PRELID2: variants seen among roughly 807,000 people sequenced by gnomAD.
PRELID2 encodes PRELI domain containing 2, also known as PRELI domain-containing protein 2.
In PRELID2, 25 loss-of-function variants were observed where a neutral mutation model predicts 28.4. That is an observed-to-expected ratio of 0.88 (90% CI 0.64 to 1.23). The LOEUF (loss-of-function observed/expected upper bound fraction) is 1.23, where lower values mean the gene tolerates loss of function less well. PRELID2 is among the 50% of genes most tolerant of loss of function. The pLI is 0.00. For synonymous variants in PRELID2, 76 were observed against 71.6 expected (o/e 1.06, Z -0.31); for missense variants, 201 against 214.4 (o/e 0.94, Z 0.39).
At chr5:145,505,836 A>G (rs1752405896) in intron 1 of PRELID2, among the ~76,000 whole-genome samples, 1 of 152,214 alleles carries the variant, frequency 6.6e-6, no homozygotes, top group Non-Finnish European at 1.5e-5. Flanking sequence ...AAAATCCTGC[A>G]ATATGTGACA....
At chr5:145,546,929 T>G (rs1752792844) in intron 1 of PRELID2, among the ~76,000 whole-genome samples, 1 of 152,212 alleles carries the variant, frequency 6.6e-6, no homozygotes, top group Admixed American at 6.5e-5. Flanking sequence ...CAAGTTCATC[T>G]TTTGGTAGTT....
At chr5:145,346,995 C>T in the PRELID2 span, among the ~76,000 whole-genome samples, 13 of 152,154 alleles carry the variant, frequency 8.5e-5, no homozygotes, top group Non-Finnish European at 1.6e-4. Context: ...TCAGTGTTCC[C>T]CCTTCATCTG....
intron 5 of PRELID2, among the ~76,000 whole-genome samples, chr5:145,791,313 T>C (rs1042033967): frequency 6.6e-6 from 1 of 152,142 alleles, no homozygotes; most frequent in African/African-American, 2.4e-5. Context: ...ACGTAAGATT[T>C]GGGTGGGAAC....
the PRELID2 span, among the ~76,000 whole-genome samples, chr5:145,269,865 T>C: frequency 1.9e-4 from 27 of 145,830 alleles, no homozygotes; most frequent in East Asian, 5.3e-3. Flanking sequence ...TTTATATATA[T>C]ACATATATAT....
chr5:145,412,574 C>T, the PRELID2 span, among the ~76,000 whole-genome samples: 2 of 152,186 alleles, frequency 1.3e-5, no homozygotes, highest in African/African-American at 4.8e-5. Context: ...CTTCAAGTCT[C>T]TAGGAAGTTT....
chr5:145,259,210 C>T, the PRELID2 span, among the ~76,000 whole-genome samples: 2 of 152,178 alleles, frequency 1.3e-5, no homozygotes, highest in African/African-American at 2.4e-5. Flanking sequence ...TCATGGAGAA[C>T]CTCTACTAGA....
At chr5:145,311,573 G>C in the PRELID2 span, among the ~76,000 whole-genome samples, 1 of 152,234 alleles carries the variant, frequency 6.6e-6, no homozygotes, top group East Asian at 1.9e-4. Flanking sequence ...GAGAAATTTA[G>C]ATTTTTATGC....
intron 1 of PRELID2, among the ~76,000 whole-genome samples, chr5:145,594,761 G>C (rs1753278789): frequency 6.6e-6 from 1 of 152,076 alleles, no homozygotes. Flanking sequence ...GTAATTTGAG[G>C]TTTTGCTTAT....
the PRELID2 span, among the ~76,000 whole-genome samples, chr5:145,356,609 C>A: frequency 6.7e-6 from 1 of 148,496 alleles, no homozygotes; most frequent in Non-Finnish European, 1.5e-5. Flanking sequence ...TTTCTTTTTT[C>A]TGTTTGCTTG....
At chr5:145,613,813 C>G (rs1356449756) in intron 1 of PRELID2, among the ~76,000 whole-genome samples, 1 of 152,072 alleles carries the variant, frequency 6.6e-6, no homozygotes, top group African/African-American at 2.4e-5. Flanking sequence ...TGCAAAAGCT[C>G]TTCAGTTTAA....
the PRELID2 span, among the ~76,000 whole-genome samples, chr5:145,243,718 A>G: frequency 6.6e-6 from 1 of 152,220 alleles, no homozygotes; most frequent in Non-Finnish European, 1.5e-5. Flanking sequence ...GTAATATACA[A>G]TTAAGGTTTA....
intron 1 of PRELID2, among the ~76,000 whole-genome samples, chr5:145,608,040 G>A (rs1168557188): frequency 1.5e-5 from 2 of 136,920 alleles, no homozygotes; most frequent in Non-Finnish European, 3.2e-5. Flanking sequence ...TTTAAAGCCC[G>A]TTTTTTTTTT....
At chr5:145,659,969 A>G (rs1754462616) in intron 1 of PRELID2, among the ~76,000 whole-genome samples, 1 of 152,150 alleles carries the variant, frequency 6.6e-6, no homozygotes, top group African/African-American at 2.4e-5. Flanking sequence ...AATAATCATC[A>G]CAGCTCTAAT....
At chr5:145,562,959 A>C (rs1752936466) in intron 1 of PRELID2, among the ~76,000 whole-genome samples, 1 of 152,242 alleles carries the variant, frequency 6.6e-6, no homozygotes, top group African/African-American at 2.4e-5. Context: ...GGGACTATTA[A>C]AGCCCAAAAG....
At chr5:145,292,405 G>A in the PRELID2 span, among the ~76,000 whole-genome samples, 284 of 152,100 alleles carry the variant, frequency 1.9e-3, 1 homozygote, top group African/African-American at 4.2e-3. Context: ...GCAGGGGCAG[G>A]GGTTGTGACT....
chr5:145,630,734 T>C (rs569408194), intron 1 of PRELID2, among the ~76,000 whole-genome samples: 1 of 152,310 alleles, frequency 6.6e-6, no homozygotes, highest in African/African-American at 2.4e-5. Context: ...TGGCATACCA[T>C]TGGCTGCCTG....
chr5:145,788,517 A>G (rs2149805598), intron 5 of PRELID2, among the ~76,000 whole-genome samples: 1 of 152,228 alleles, frequency 6.6e-6, no homozygotes, highest in South Asian at 2.1e-4. Context: ...CTGATGGTAT[A>G]TATTCATTCT....
chr5:145,280,839 A>T, the PRELID2 span, among the ~76,000 whole-genome samples: 1 of 150,044 alleles, frequency 6.7e-6, no homozygotes, highest in Non-Finnish European at 1.5e-5. Flanking sequence ...ATTTTTCTGT[A>T]TATTTTGCAG....
the PRELID2 span, among the ~76,000 whole-genome samples, chr5:145,302,011 CA>C: frequency 5.0e-5 from 7 of 140,718 alleles, no homozygotes; most frequent in South Asian, 1.4e-3. Flanking sequence ...TTACTACACA[CA>C]AAAAAAAGAT....
Sources: allele counts gnomAD v4.1 joint callset (sites outside exome capture counted in the v4.1 genomes callset), GRCh38; gene constraint gnomAD v4.1.1; transcripts MANE v1.5; gene names NCBI Gene and HGNC (gene_info 2026-07-23, HGNC 2026-07-21).